Variants in GRIN2A observed in about 807,000 individuals in gnomAD.
GRIN2A encodes the protein glutamate receptor ionotropic, NMDA 2A.
In GRIN2A, 22 loss-of-function variants were observed where a neutral mutation model predicts 113.4. That is an observed-to-expected ratio of 0.19 (90% CI 0.14 to 0.28). GRIN2A has a LOEUF of 0.28. Among genes scored for constraint, GRIN2A ranks in the 10% least tolerant of loss-of-function variants. The pLI, the probability that GRIN2A is intolerant of heterozygous loss-of-function variation, is 1.00. For missense variants in GRIN2A, 1,502 were observed against 1,887.0 expected (o/e 0.80, Z 3.78); for synonymous variants, 827 against 738.4 (o/e 1.12, Z -1.94).
intron 2 of GRIN2A, among the ~76,000 whole-genome samples, chr16:9,969,821 A>C (rs1002478349): frequency 6.6e-6 from 1 of 152,208 alleles, no homozygotes; most frequent in Non-Finnish European, 1.5e-5. Context: ...CCCTATTCAC[A>C]AATAATTATC....
At chr16:9,926,538 G>T (rs1320767695) in intron 3 of GRIN2A, among the ~76,000 whole-genome samples, 2 of 152,180 alleles carry the variant, frequency 1.3e-5, no homozygotes, top group Non-Finnish European at 2.9e-5. Context: ...ATCTCTGGAG[G>T]TGAGCTATCA....
In GRIN2A at chr16:9,977,170, T is replaced by A. The variant is rs111740140; in HGVS notation, c.415-38619A>T. Among the ~76,000 whole-genome samples the A allele has an allele frequency of 0.016, 2,363 of 152,152 alleles. 59 individuals are homozygous for A. Among genetic ancestry groups the A allele is most frequent in the African/African-American group, 0.054 (2,260 of 41,498 alleles). ...AGCCAGGTGTGGGGACACATGCCTG[T>A]AATCCCAGCTACTTGGGAGGCTGAG... On this transcript the variant is annotated intron_variant, in intron 2 of 12. Coordinates refer to ENST00000330684, the MANE Select transcript of GRIN2A (RefSeq NM_001134407.3).
intron 4 of GRIN2A, among the ~76,000 whole-genome samples, chr16:9,871,358 T>C (rs1356890875): frequency 6.6e-6 from 1 of 151,704 alleles, no homozygotes; most frequent in East Asian, 1.9e-4. Flanking sequence ...GACACTTGTC[T>C]CTAAAACTTT....
At chr16:10,038,916 C>T (rs2047088768) in intron 2 of GRIN2A, among the ~76,000 whole-genome samples, 2 of 151,980 alleles carry the variant, frequency 1.3e-5, no homozygotes, top group Admixed American at 1.3e-4. Flanking sequence ...CCAAATGTCC[C>T]CTGGCCTAGA....
At chr16:10,176,239 A>T (rs965887784) in intron 2 of GRIN2A, among the ~76,000 whole-genome samples, 2 of 152,070 alleles carry the variant, frequency 1.3e-5, no homozygotes, top group Non-Finnish European at 2.9e-5. Context: ...TCCTGACCTC[A>T]GGTGATCCAC....
At chr16:9,911,043 A>G (rs1276183014) in intron 3 of GRIN2A, among the ~76,000 whole-genome samples, 3 of 152,038 alleles carry the variant, frequency 2.0e-5, no homozygotes, top group Admixed American at 2.0e-4. Context: ...CCATCTTGTA[A>G]TTTTCACATT....
chr16:10,144,417 G>A (rs984150429), intron 2 of GRIN2A, among the ~76,000 whole-genome samples: 1 of 152,132 alleles, frequency 6.6e-6, no homozygotes, highest in South Asian at 2.1e-4. Flanking sequence ...GATTAATGAT[G>A]TTGAGAACCT....
At chr16:9,870,849 G>C (rs2043247888) in intron 4 of GRIN2A, among the ~76,000 whole-genome samples, 1 of 152,008 alleles carries the variant, frequency 6.6e-6, no homozygotes, top group African/African-American at 2.4e-5. Flanking sequence ...TGTTGCCCAG[G>C]TTGGTCTCGA....
chr16:9,825,402 G>A (rs912097717), intron 9 of GRIN2A, among the ~76,000 whole-genome samples: 6 of 152,056 alleles, frequency 3.9e-5, no homozygotes, highest in African/African-American at 1.5e-4. Context: ...GAGAACAGAG[G>A]ATTATTTTCT....
chr16:10,175,498 A>G (rs2050124430), intron 2 of GRIN2A, among the ~76,000 whole-genome samples: 1 of 152,250 alleles, frequency 6.6e-6, no homozygotes. Context: ...TGGTGATAGG[A>G]TTTGGAGAGA....
chr16:9,985,563 G>C (rs2045965025), intron 2 of GRIN2A, among the ~76,000 whole-genome samples: 1 of 151,996 alleles, frequency 6.6e-6, no homozygotes, highest in African/African-American at 2.4e-5. Flanking sequence ...CTGGAGGTTA[G>C]TATGTTAAAT....
intron 8 of GRIN2A, among the ~76,000 whole-genome samples, chr16:9,832,851 T>C (rs2042520293): frequency 6.6e-6 from 1 of 152,200 alleles, no homozygotes; most frequent in East Asian, 1.9e-4. Context: ...TGATTGAAGA[T>C]GGTTTATGTG....
At chr16:10,159,415 C>A (rs991586353) in intron 2 of GRIN2A, among the ~76,000 whole-genome samples, 1 of 152,144 alleles carries the variant, frequency 6.6e-6, no homozygotes, top group Non-Finnish European at 1.5e-5. Flanking sequence ...GTTGAGGCTA[C>A]AACTGTAGAT....
rs115919101 is a variant in GRIN2A, at chr16:10,104,609, T to C, written c.414+75389A>G. Among the ~76,000 whole-genome samples, 1,468 of 152,342 alleles carry C rather than the reference T, an allele frequency of 9.6e-3. 25 individuals carry two copies. Among genetic ancestry groups the C allele is most frequent in the African/African-American group, 0.033 (1,382 of 41,568 alleles). On this transcript the variant is annotated intron_variant, in intron 2 of 12. Transcript: ENST00000330684. The stretch of plus-strand genomic sequence containing the variant: ...ATGGGAAGGAATGGTGTTCTCTATG[T>C]GTATTTTTATTTTTTCCAATGATTG...
chr16:10,020,406 A>G (rs1158599421), intron 2 of GRIN2A, among the ~76,000 whole-genome samples: 2 of 152,206 alleles, frequency 1.3e-5, no homozygotes, highest in Non-Finnish European at 2.9e-5. Context: ...TTTTTCCAAG[A>G]TGTTCAGAAG....
chr16:9,777,180 C>A (rs1036964547), intron 11 of GRIN2A, among the ~76,000 whole-genome samples: 1 of 152,132 alleles, frequency 6.6e-6, no homozygotes, highest in Non-Finnish European at 1.5e-5. Context: ...TTTCTCTCTT[C>A]CCTGTGGTGA....
chr16:9,807,357 G>GAGGGAGGGA (rs2041999368), intron 10 of GRIN2A, among the ~76,000 whole-genome samples: 1 of 33,790 alleles, frequency 3.0e-5, no homozygotes, highest in Non-Finnish European at 5.4e-5. Flanking sequence ...AGGGGGAGAG[G>GAGGGAGGGA]GAGGGAGAGG....
chr16:9,925,255 A>G (rs1030382050), intron 3 of GRIN2A, among the ~76,000 whole-genome samples: 2 of 152,218 alleles, frequency 1.3e-5, no homozygotes, highest in African/African-American at 4.8e-5. Flanking sequence ...CATTATTGAG[A>G]CAACCCCCTT....
At chr16:9,859,200 C>T (rs1325652927) in intron 4 of GRIN2A, among the ~76,000 whole-genome samples, 2 of 152,130 alleles carry the variant, frequency 1.3e-5, no homozygotes, top group African/African-American at 4.8e-5. Flanking sequence ...CTAACACACA[C>T]ACACATCTGC....
Sources: allele counts gnomAD v4.1 joint callset (sites outside exome capture counted in the v4.1 genomes callset), GRCh38; gene constraint gnomAD v4.1.1; transcripts MANE v1.5; gene names NCBI Gene and HGNC (gene_info 2026-07-23, HGNC 2026-07-21).